The following SORCS1 variants were observed in gnomAD, a reference collection of about 807,000 sequenced individuals.
SORCS1 encodes VPS10 domain-containing receptor SorCS1.
A neutral mutation model predicts 146.1 loss-of-function variants in SORCS1; 60 were observed. The ratio of observed to expected loss-of-function variants is 0.41; its 90% confidence interval spans 0.33 to 0.51. The LOEUF is 0.51. Ranked by LOEUF, SORCS1 falls within the 20% of genes least tolerant of loss-of-function variation. The pLI is 0.21. For missense variants in SORCS1, 1,352 were observed against 1,487.6 expected (o/e 0.91, Z 1.50); for synonymous variants, 637 against 584.0 (o/e 1.09, Z -1.31).
At chr10:106,738,600 A>T (rs2136085814) in intron 5 of SORCS1, among the ~76,000 whole-genome samples, 1 of 152,358 alleles carries the variant, frequency 6.6e-6, no homozygotes, top group Middle Eastern at 3.4e-3. Context: ...CCACAGTGAC[A>T]GAAGACAGGG....
intron 1 of SORCS1, among the ~76,000 whole-genome samples, chr10:107,000,916 T>A (rs1399591742): frequency 6.6e-6 from 1 of 152,150 alleles, no homozygotes; most frequent in African/African-American, 2.4e-5. Flanking sequence ...AGAAGATGGA[T>A]GTTATTTGTA....
intron 1 of SORCS1, among the ~76,000 whole-genome samples, chr10:106,970,307 C>A (rs548153374): frequency 1.2e-4 from 17 of 147,572 alleles, no homozygotes; most frequent in African/African-American, 3.8e-4. Flanking sequence ...CTATTATCCC[C>A]TTCTTCCCTC....
chr10:107,002,026 G>A (rs538962971), intron 1 of SORCS1, among the ~76,000 whole-genome samples: 1 of 152,102 alleles, frequency 6.6e-6, no homozygotes, highest in Admixed American at 6.5e-5. Flanking sequence ...AAATATCCAA[G>A]AATACATAAA....
chr10:106,949,550 C>T (rs1182516135), intron 2 of SORCS1, among the ~76,000 whole-genome samples: 3 of 152,176 alleles, frequency 2.0e-5, no homozygotes, highest in Admixed American at 1.3e-4. Flanking sequence ...TACTGGGGAA[C>T]TTCTCTTGAT....
chr10:106,709,850 C>T (rs1245110360), intron 6 of SORCS1, among the ~76,000 whole-genome samples: 1 of 152,154 alleles, frequency 6.6e-6, no homozygotes, highest in Non-Finnish European at 1.5e-5. Context: ...TACTCACTTG[C>T]TCTCAATACC....
intron 1 of SORCS1, among the ~76,000 whole-genome samples, chr10:107,074,954 C>T (rs1432562825): frequency 1.3e-5 from 2 of 152,008 alleles, no homozygotes; most frequent in African/African-American, 4.8e-5. Flanking sequence ...AACAGTAACT[C>T]ACCTTTATTG....
intron 1 of SORCS1, among the ~76,000 whole-genome samples, chr10:107,097,435 T>C (rs1166907005): frequency 6.6e-6 from 1 of 152,202 alleles, no homozygotes; most frequent in African/African-American, 2.4e-5. Context: ...GTCCACACTG[T>C]GTGTCATAGG....
chr10:106,618,364 C>A, intron 20 of SORCS1, 92 bp from the exon 21 acceptor site: 5 of 1,490,914 alleles, frequency 3.4e-6, no homozygotes, highest in Non-Finnish European at 4.5e-6. Flanking sequence ...GCTGTCTAAC[C>A]CAGCAGAGGC....
chr10:106,667,670 C>G lies in SORCS1; in HGVS notation c.2303+19G>C. Reference sequence around the variant, plus strand: ...GCAGCAAAGGTTGGCCTCTCAAGGTCACTACTCCAGACACTTACCCAGTAC... The same window carrying G: ...GCAGCAAAGGTTGGCCTCTCAAGGTGACTACTCCAGACACTTACCCAGTAC... On this transcript the variant is annotated intron_variant, in intron 17 of 25. Coordinates refer to ENST00000263054, the MANE Select transcript of SORCS1 (RefSeq NM_052918.5). 1.9e-6 allele frequency: 3 copies of G among 1,592,052 alleles called. No individual in the cohort carries two copies. The highest frequency in any genetic ancestry group is 2.6e-6 in the Non-Finnish European group (3 of 1,160,980).
chr10:106,742,738 G>A (rs192370123), intron 5 of SORCS1, among the ~76,000 whole-genome samples: 7 of 152,222 alleles, frequency 4.6e-5, no homozygotes, highest in East Asian at 1.9e-4. Flanking sequence ...ACTGCATTTC[G>A]ACCAGAACCC....
At chr10:106,763,566 T>C (rs1338760) in intron 4 of SORCS1, among the ~76,000 whole-genome samples, 33,675 of 152,126 alleles carry the variant, frequency 0.22, 4,732 homozygotes, top group East Asian at 0.48. Flanking sequence ...TTCTCACACA[T>C]GCCCTGCTAC....
intron 1 of SORCS1, among the ~76,000 whole-genome samples, chr10:107,022,867 G>A (rs1469278506): frequency 6.6e-6 from 1 of 152,188 alleles, no homozygotes; most frequent in East Asian, 1.9e-4. Context: ...CAAGGTGTAA[G>A]ATGGGAGGAG....
intron 8 of SORCS1, 129 bp downstream of exon 8, chr10:106,706,416 G>C (rs920606120): frequency 4.6e-6 from 4 of 871,482 alleles, no homozygotes; most frequent in Non-Finnish European, 7.2e-6. Context: ...GCAAACTTGG[G>C]AAACAGAGAT....
intron 18 of SORCS1, among the ~76,000 whole-genome samples, chr10:106,634,118 A>G (rs901716147): frequency 2.0e-5 from 3 of 152,218 alleles, no homozygotes; most frequent in African/African-American, 7.2e-5. Context: ...GACTAAATTC[A>G]TTGTGGACTG....
intron 1 of SORCS1, among the ~76,000 whole-genome samples, chr10:107,042,423 G>C (rs1185538613): frequency 2.0e-5 from 3 of 152,134 alleles, no homozygotes; most frequent in African/African-American, 7.2e-5. Context: ...AATCAGGCTG[G>C]TAAATAAGTT....
At position 106,700,933 on chromosome 10, in the gene SORCS1, T is replaced by C. The variant is rs868640131; in HGVS notation, c.1234-1540A>G. ...AATGTGTGCTTCTATCTGTTGAATG[T>C]CTATTTACATTTCTCCTGGTAATTA... On this transcript the variant is annotated intron_variant, in intron 8 of 25. Coordinates refer to ENST00000263054, the MANE Select transcript of SORCS1 (RefSeq NM_052918.5). Among the ~76,000 whole-genome samples, 6 of 152,358 alleles carry C rather than the reference T, an allele frequency of 3.9e-5. No individual in the cohort carries two copies. The East Asian group carries it at 9.6e-4, about 24-fold the overall frequency.
intron 19 of SORCS1, among the ~76,000 whole-genome samples, chr10:106,622,604 GCA>G (rs1847825389): frequency 6.6e-6 from 1 of 152,170 alleles, no homozygotes; most frequent in Non-Finnish European, 1.5e-5. Flanking sequence ...GGCCTATAAA[GCA>G]TATGTTGAGA....
intron 1 of SORCS1, among the ~76,000 whole-genome samples, chr10:107,096,075 T>C (rs1267170453): frequency 6.6e-6 from 1 of 152,194 alleles, no homozygotes; most frequent in Non-Finnish European, 1.5e-5. Flanking sequence ...ATATCCATTA[T>C]AAGATTACAC....
intron 2 of SORCS1, among the ~76,000 whole-genome samples, chr10:106,911,905 G>A (rs868425296): frequency 6.6e-6 from 1 of 152,080 alleles, no homozygotes; most frequent in Non-Finnish European, 1.5e-5. Context: ...GAGGTCAGGA[G>A]ATCAAGACCA....
Sources: allele counts gnomAD v4.1 joint callset (sites outside exome capture counted in the v4.1 genomes callset), GRCh38; gene constraint gnomAD v4.1.1; transcripts MANE v1.5; gene names NCBI Gene and HGNC (gene_info 2026-07-23, HGNC 2026-07-21).